TSPAN10: variants seen among roughly 807,000 people sequenced by gnomAD.
TSPAN10 encodes the protein tetraspanin-10.
TSPAN10 carries 11 observed loss-of-function variants against 15.0 expected under a neutral mutation model. The ratio of observed to expected loss-of-function variants is 0.73; its 90% confidence interval spans 0.46 to 1.21. TSPAN10 has a LOEUF of 1.21. Ranked by LOEUF, TSPAN10 falls within the 50% of genes most tolerant of loss-of-function variation. The probability of loss-of-function intolerance (pLI) is 0.00; values close to 1 mark genes in which losing one functional copy is unlikely to be tolerated. For synonymous variants in TSPAN10, 241 were observed against 226.2 expected (o/e 1.07, Z -0.59); for missense variants, 486 against 470.6 (o/e 1.03, Z -0.30).
chr17:81,639,688 A>G (rs2036160685), upstream of TSPAN10, among the ~76,000 whole-genome samples: 1 of 149,094 alleles, frequency 6.7e-6, no homozygotes, highest in South Asian at 2.1e-4. Flanking sequence ...ACGGTGGCTC[A>G]TGCCTGTCAT....
chr17:81,648,363 C>G, downstream of TSPAN10: 3 of 1,176,150 alleles, frequency 2.6e-6, no homozygotes, highest in Non-Finnish European at 3.2e-6. Context: ...GGCTAAAAAG[C>G]GCGGCCTGCG....
chr17:81,639,987 A>G (rs553267407), upstream of TSPAN10, among the ~76,000 whole-genome samples: 24 of 151,912 alleles, frequency 1.6e-4, no homozygotes, highest in South Asian at 4.2e-4. Context: ...CTCAAAAAAA[A>G]AAAAAAAAGA....
upstream of TSPAN10, chr17:81,642,244 T>C: frequency 1.6e-6 from 1 of 619,706 alleles, no homozygotes; most frequent in East Asian, 2.9e-5. Flanking sequence ...CAACTGTGAC[T>C]CCGGCATCTG....
upstream of TSPAN10, among the ~76,000 whole-genome samples, chr17:81,640,548 C>T (rs557231440): frequency 6.6e-6 from 1 of 152,000 alleles, no homozygotes; most frequent in South Asian, 2.1e-4. Flanking sequence ...TCCTGGGTCC[C>T]AGCAATTCCC....
upstream of TSPAN10, among the ~76,000 whole-genome samples, chr17:81,639,653 G>C (rs531396973): frequency 6.7e-6 from 1 of 149,612 alleles, no homozygotes; most frequent in East Asian, 2.0e-4. Context: ...ATCCCAGCGC[G>C]GTGGCTCACG....
chr17:81,642,182 C>T, upstream of TSPAN10: 1 of 512,532 alleles, frequency 2.0e-6, no homozygotes, highest in East Asian at 3.1e-5. Flanking sequence ...AGAAATATAT[C>T]TCCACAAGCA....
downstream of TSPAN10, chr17:81,648,363 C>T: frequency 8.5e-7 from 1 of 1,176,150 alleles, no homozygotes; most frequent in Non-Finnish European, 1.1e-6. Flanking sequence ...GGCTAAAAAG[C>T]GCGGCCTGCG....
chr17:81,644,911 C>T, intron 1 of TSPAN10, 81 bp from the exon 3 acceptor site: 1 of 1,569,614 alleles, frequency 6.4e-7, no homozygotes. Context: ...GGCTCTGCCA[C>T]CATGCTCTTC....
At chr17:81,644,247 C>A (rs1240296645) in intron 1 of TSPAN10, among the ~76,000 whole-genome samples, 1 of 152,150 alleles carries the variant, frequency 6.6e-6, no homozygotes, top group Admixed American at 6.6e-5. Flanking sequence ...GACCAGCAAG[C>A]CTTTCCTGCC....
exon 2 of TSPAN10, chr17:81,645,075 G>A (rs776186311): frequency 1.3e-5 from 21 of 1,592,934 alleles, no homozygotes; most frequent in East Asian, 9.0e-5. Flanking sequence ...AGGACCAGGC[G>A]GAGGCCTGGG....
chr17:81,642,321 G>T (rs564749051), upstream of TSPAN10: 1 of 1,492,676 alleles, frequency 6.7e-7, no homozygotes, highest in South Asian at 1.1e-5. Flanking sequence ...GCCCAGGGCC[G>T]CAGTCAGGAC....
At chr17:81,648,218 C>A (rs1405688392) in exon 3 of TSPAN10, 1 of 1,293,446 alleles carries the variant, frequency 7.7e-7, no homozygotes, top group South Asian at 2.6e-5. Context: ...GGCCCCGGAG[C>A]GCGCGGGGAG....
Position 81,647,917 on chromosome 17 carries a change from T to G in TSPAN10, c.691T>G (p.Ser231Ala), listed in dbSNP as rs767871132. ...GCCTTGCAGGTACTTTAACTGCAGCTCCCCCGGGGTGCAGGCCTGCAGCCT... is the reference window on the plus strand; with the variant it reads ...GCCTTGCAGGTACTTTAACTGCAGCGCCCCCGGGGTGCAGGCCTGCAGCCT... The change falls in exon 3 of 3, where the codon TCC becomes GCC. Residue 231 changes from serine (S) to alanine (A), a missense_variant. Physicochemically the swap from Ser to Ala is moderately conservative, Grantham distance 99. Transcript: ENST00000611590. 2.5e-6 allele frequency: 4 copies of G among 1,595,766 alleles called. No individual in the cohort carries two copies. In the Admixed American group the frequency reaches 5.1e-5, roughly 20 times the overall value.
chr17:81,640,914 T>C (rs1022606556), upstream of TSPAN10, among the ~76,000 whole-genome samples: 1 of 152,102 alleles, frequency 6.6e-6, no homozygotes, highest in Non-Finnish European at 1.5e-5. Flanking sequence ...GGCTCACGCC[T>C]GTAATCCCAG....
intron 1 of TSPAN10, 145 bp from the exon 3 acceptor site, chr17:81,644,847 A>G: frequency 8.4e-7 from 1 of 1,186,626 alleles, no homozygotes; most frequent in Non-Finnish European, 1.2e-6. Context: ...GGCTGTCCGC[A>G]TCTCTGAGCT....
upstream of TSPAN10, among the ~76,000 whole-genome samples, chr17:81,641,801 C>T (rs1453308636): frequency 1.8e-5 from 2 of 110,218 alleles, no homozygotes; most frequent in Non-Finnish European, 3.4e-5. Flanking sequence ...ATCTGTAGTC[C>T]CGGGAGGCGA....
exon 2 of TSPAN10, chr17:81,645,312 C>T (rs1160114662): frequency 2.6e-6 from 4 of 1,549,448 alleles, no homozygotes; most frequent in Non-Finnish European, 3.5e-6. Context: ...TGCCCGCAGA[C>T]CCCATGCTGG....
chr17:81,640,469 G>A (rs1432058224), upstream of TSPAN10, among the ~76,000 whole-genome samples: 1 of 151,722 alleles, frequency 6.6e-6, no homozygotes, highest in Non-Finnish European at 1.5e-5. Context: ...ATTTATTTAG[G>A]GATGGAGTCT....
At chr17:81,643,171 ATTT>A (rs1232527627) in intron 1 of TSPAN10, among the ~76,000 whole-genome samples, 1 of 149,850 alleles carries the variant, frequency 6.7e-6, no homozygotes, top group African/African-American at 2.4e-5. Context: ...CACCCAGCTA[ATTT>A]TTTTTAGTCG....
Sources: allele counts gnomAD v4.1 joint callset (sites outside exome capture counted in the v4.1 genomes callset), GRCh38; gene constraint gnomAD v4.1.1; transcripts MANE v1.5; gene names NCBI Gene and HGNC (gene_info 2026-07-23, HGNC 2026-07-21).